Variants in VAT1L observed in about 807,000 individuals in gnomAD.
The protein encoded by VAT1L is putative NADPH-dependent quinone oxidoreductase VAT1L.
VAT1L carries 34 observed loss-of-function variants against 44.1 expected under a neutral mutation model. That is an observed-to-expected ratio of 0.77 (90% CI 0.59 to 1.03). The LOEUF is 1.03. Ranked by LOEUF, VAT1L falls within the 50% of genes least tolerant of loss-of-function variation. The pLI is 0.00. For missense variants in VAT1L, 615 were observed against 538.8 expected (o/e 1.14, Z -1.40); for synonymous variants, 253 against 202.2 (o/e 1.25, Z -2.13).
At chr16:77,812,776 C>G (rs1416662087) in intron 1 of VAT1L, among the ~76,000 whole-genome samples, 3 of 152,172 alleles carry the variant, frequency 2.0e-5, no homozygotes, top group South Asian at 2.1e-4. Context: ...TTTTCAGGGT[C>G]TCTTTTTCAA....
At chr16:77,965,628 C>G (rs13332681) in intron 7 of VAT1L, among the ~76,000 whole-genome samples, 1 of 151,990 alleles carries the variant, frequency 6.6e-6, no homozygotes, top group Admixed American at 6.5e-5. Flanking sequence ...CGCAGCTGGC[C>G]GTGGCATCCC....
intron 7 of VAT1L, among the ~76,000 whole-genome samples, chr16:77,900,930 G>A (rs1455379503): frequency 6.6e-6 from 1 of 151,980 alleles, no homozygotes; most frequent in East Asian, 1.9e-4. Context: ...TTTCTAAGCA[G>A]AGACACAGAG....
chr16:77,812,888 T>C (rs1453809383), intron 1 of VAT1L, among the ~76,000 whole-genome samples: 2 of 152,192 alleles, frequency 1.3e-5, no homozygotes, highest in Non-Finnish European at 2.9e-5. Flanking sequence ...GAGACAGTCT[T>C]ATATTATTTA....
intron 7 of VAT1L, among the ~76,000 whole-genome samples, chr16:77,959,880 T>C (rs1482587452): frequency 6.6e-6 from 1 of 152,144 alleles, no homozygotes; most frequent in Non-Finnish European, 1.5e-5. Flanking sequence ...CCAACTACTT[T>C]CCAGAATTTT....
Position 77,817,367 on chromosome 16 carries a change from C to T in VAT1L, c.363+317C>T, listed in dbSNP as rs763892196. Among the ~76,000 whole-genome samples, 30 of 152,138 alleles carry T rather than the reference C, an allele frequency of 2.0e-4. 1 individual carries two copies. Among genetic ancestry groups the T allele is most frequent in the Middle Eastern group, 3.2e-3 (1 of 316 alleles). ...AGTGTGCATAGCCCCTTCCCATATC[C>T]GGAACTCTCATTTTCTGATCATCTT... On this transcript the variant is annotated intron_variant, in intron 2 of 8. Coordinates refer to ENST00000302536, the MANE Select transcript of VAT1L (RefSeq NM_020927.3).
chr16:77,940,732 T>G (rs1013295886), intron 7 of VAT1L, among the ~76,000 whole-genome samples: 4 of 152,134 alleles, frequency 2.6e-5, no homozygotes, highest in Non-Finnish European at 5.9e-5. Context: ...TAATAGTGGT[T>G]TTCTGTCTGT....
At chr16:77,890,265 G>A (rs1433444845) in intron 7 of VAT1L, among the ~76,000 whole-genome samples, 1 of 152,044 alleles carries the variant, frequency 6.6e-6, no homozygotes, top group Admixed American at 6.5e-5. Flanking sequence ...AGTATGGAGT[G>A]GGTGGGGTAG....
rs563913432 is a variant in VAT1L, at chr16:77,882,853, T to G, written c.883-1755T>G. ...TTTTGGATGTAAGGAATACGTTAAG[T>G]TATTTAGTGATTTCCAAACCACATG... is the stretch of plus-strand genomic sequence containing the variant. On this transcript the variant is annotated intron_variant, in intron 6 of 8. Coordinates refer to ENST00000302536, the MANE Select transcript of VAT1L (RefSeq NM_020927.3). Among the ~76,000 whole-genome samples the G allele has an allele frequency of 2.0e-5, 3 of 152,284 alleles. No homozygotes were observed. In the East Asian group the frequency reaches 5.8e-4, roughly 29 times the overall value.
At chr16:77,939,323 G>A (rs1264920384) in intron 7 of VAT1L, among the ~76,000 whole-genome samples, 1 of 152,174 alleles carries the variant, frequency 6.6e-6, no homozygotes, top group Admixed American at 6.5e-5. Flanking sequence ...AGCCAATTGT[G>A]TGCATGTTTT....
At chr16:77,976,134 G>A (rs2018337681) in intron 8 of VAT1L, among the ~76,000 whole-genome samples, 1 of 152,224 alleles carries the variant, frequency 6.6e-6, no homozygotes, top group Non-Finnish European at 1.5e-5. Flanking sequence ...TGTTGCATAT[G>A]TACCTAGTGG....
intron 7 of VAT1L, among the ~76,000 whole-genome samples, chr16:77,968,113 AC>A (rs1441399647): frequency 2.0e-5 from 3 of 152,088 alleles, no homozygotes; most frequent in African/African-American, 7.2e-5. Context: ...TAACTCCCCC[AC>A]CCCCAACAAA....
intron 7 of VAT1L, among the ~76,000 whole-genome samples, chr16:77,916,131 G>A (rs558551255): frequency 6.6e-6 from 1 of 152,192 alleles, no homozygotes; most frequent in Non-Finnish European, 1.5e-5. Context: ...AATGGGGGTA[G>A]TAGCACGGTA....
intron 7 of VAT1L, among the ~76,000 whole-genome samples, chr16:77,910,489 G>A (rs1014213956): frequency 7.9e-5 from 12 of 151,928 alleles, no homozygotes; most frequent in African/African-American, 1.2e-4. Context: ...TGGCTAACAC[G>A]GTGAAACCCC....
intron 3 of VAT1L, among the ~76,000 whole-genome samples, chr16:77,847,500 G>T (rs1356481806): frequency 6.6e-6 from 1 of 152,176 alleles, no homozygotes; most frequent in Non-Finnish European, 1.5e-5. Context: ...TTTCATTTTT[G>T]GTACAACTGA....
chr16:77,943,243 G>A (rs2142514416), intron 7 of VAT1L, among the ~76,000 whole-genome samples: 1 of 149,710 alleles, frequency 6.7e-6, no homozygotes, highest in South Asian at 2.1e-4. Flanking sequence ...TTTTAGTAGA[G>A]ATGGGGTTTC....
intron 4 of VAT1L, among the ~76,000 whole-genome samples, chr16:77,864,069 T>G (rs74027228): frequency 0.086 from 13,086 of 152,154 alleles, 977 homozygotes; most frequent in African/African-American, 0.2. Flanking sequence ...GGCCACATGT[T>G]TGTCAGCACA....
intron 1 of VAT1L, among the ~76,000 whole-genome samples, chr16:77,794,142 G>A (rs372547175): frequency 6.6e-6 from 1 of 152,134 alleles, no homozygotes; most frequent in Non-Finnish European, 1.5e-5. Flanking sequence ...AAGAGACAGA[G>A]AGACACACAC....
rs543441665 is a variant in VAT1L at position 77,855,674 on chromosome 16, T to C, written c.580-7074T>C. On this transcript the variant is annotated intron_variant, in intron 3 of 8. Coordinates refer to ENST00000302536, the MANE Select transcript of VAT1L (RefSeq NM_020927.3). ...TGCAAGTTCCAAGACAGGGACCATATACATAAATAACTCGTTTATATTTCT... is the reference window on the plus strand; with the variant it reads ...TGCAAGTTCCAAGACAGGGACCATACACATAAATAACTCGTTTATATTTCT... Among the ~76,000 whole-genome samples, 8 of 152,346 alleles carry C rather than the reference T, an allele frequency of 5.3e-5. No homozygotes were observed. In the South Asian group the frequency reaches 1.7e-3, roughly 32 times the overall value.
intron 7 of VAT1L, among the ~76,000 whole-genome samples, chr16:77,922,361 C>G (rs1030750960): frequency 6.6e-6 from 1 of 152,210 alleles, no homozygotes; most frequent in African/African-American, 2.4e-5. Flanking sequence ...CCAGTTCCAT[C>G]AAGGCAGCAG....
Sources: gnomAD v4.1 joint callset for allele counts (sites outside exome capture counted in the v4.1 genomes callset) on GRCh38, gnomAD v4.1.1 for gene constraint, MANE v1.5 for transcripts, NCBI Gene and HGNC (gene_info 2026-07-23, HGNC 2026-07-21) for gene names.